The following MACF1 variants were observed in gnomAD, a reference collection of about 807,000 sequenced individuals.
The protein encoded by MACF1 is microtubule-actin cross-linking factor 1.
In MACF1, 193 loss-of-function variants were observed where a neutral mutation model predicts 854.8. The observed-to-expected ratio is 0.23, with a 90% CI of 0.20 to 0.25. MACF1 has a LOEUF of 0.25. Among genes scored for constraint, MACF1 ranks in the 10% least tolerant of loss-of-function variants. The pLI, the probability that MACF1 is intolerant of heterozygous loss-of-function variation, is 1.00. For missense variants in MACF1, 7,722 were observed against 8,929.1 expected (o/e 0.86, Z 5.45); for synonymous variants, 3,185 against 3,226.7 (o/e 0.99, Z 0.44).
In MACF1 at chr1:39,381,169, T is replaced by C. The variant is rs565235280; in HGVS notation, c.13649-784T>C. ...GCCTCCCAGGTTCAAGCGATTCTCCTGCCTCAGCCTCCCGAGTAGCTGGCA... is the reference window on the plus strand; with the variant it reads ...GCCTCCCAGGTTCAAGCGATTCTCCCGCCTCAGCCTCCCGAGTAGCTGGCA... On this transcript the variant is annotated intron_variant, in intron 55 of 100. Coordinates refer to ENST00000564288, the MANE Select transcript of MACF1 (RefSeq NM_001394062.1). Among the ~76,000 whole-genome samples the C allele has an allele frequency of 1.4e-3, 216 of 152,188 alleles. 2 individuals carry two copies. The highest frequency in any genetic ancestry group is 5.0e-3 in the African/African-American group (208 of 41,534).
chr1:39,349,441 TA>T, intron 41 of MACF1, 36 bp from the exon 42 acceptor site: 1 of 1,564,882 alleles, frequency 6.4e-7, no homozygotes, highest in Non-Finnish European at 8.7e-7. Context: ...AAATGTGAAT[TA>T]CGAAATGTCT....
intron 58 of MACF1, among the ~76,000 whole-genome samples, chr1:39,417,713 A>ATTTTTTTTTTTTTTTTTTTTTTTTTTTTT (rs56799242): frequency 1.8e-5 from 1 of 55,796 alleles, no homozygotes; most frequent in Non-Finnish European, 3.8e-5. Flanking sequence ...CACCCAGTTA[A>ATTTTTTTTTTTTTTTTTTTTTTTTTTTTT]TTTTTTTTTT....
At chr1:39,208,931 A>T (rs1286758750) in intron 1 of MACF1, among the ~76,000 whole-genome samples, 2 of 152,004 alleles carry the variant, frequency 1.3e-5, no homozygotes, top group Non-Finnish European at 2.9e-5. Flanking sequence ...TCATCTCAGT[A>T]TCTGCAGTGT....
At chr1:39,193,216 T>C (rs1347497036) in intron 2 of MACF1, among the ~76,000 whole-genome samples, 1 of 152,256 alleles carries the variant, frequency 6.6e-6, no homozygotes, top group East Asian at 1.9e-4. Flanking sequence ...GTATCATTTT[T>C]TTCTCCATTT....
chr1:39,316,262 C>A, intron 27 of MACF1, 129 bp from the exon 28 acceptor site: 4 of 698,846 alleles, frequency 5.7e-6, no homozygotes, highest in Non-Finnish European at 6.6e-6. Context: ...AAAACCCTGT[C>A]AACATCTAAA....
In MACF1 at chr1:39,284,142, T is replaced by A; in HGVS notation, c.992T>A (p.Leu331Gln). The change falls in exon 10 of 101, where the codon CTG (leucine) becomes CAG (glutamine). Residue 331 changes from leucine (L) to glutamine (Q), a missense_variant. Physicochemically the swap from Leu to Gln is moderately radical, Grantham distance 113. Transcript: ENST00000564288. ...LIPWIKQHTI[L>Q]MSDKTFPQNP... ...CCCTGGATCAAACAGCATACAATAC[T>A]GATGTCAGATAAAACTTTTCCCCAA... The A allele has an allele frequency of 3.1e-6, 5 of 1,613,890 alleles. No individual in the cohort carries two copies. The highest frequency in any genetic ancestry group is 4.2e-6 in the Non-Finnish European group (5 of 1,179,906).
chr1:39,412,404 A>T, intron 58 of MACF1: 1 of 1,614,004 alleles, frequency 6.2e-7, no homozygotes, highest in South Asian at 1.1e-5. Context: ...CTGTGGAGAA[A>T]GTTTGTGATG....
upstream of MACF1, among the ~76,000 whole-genome samples, chr1:39,201,955 C>CTTT (rs748333630): frequency 7.6e-5 from 4 of 52,358 alleles, no homozygotes; most frequent in East Asian, 7.4e-4. Context: ...TGCTCATATT[C>CTTT]TTTTTTTTTT....
intron 80 of MACF1, among the ~76,000 whole-genome samples, chr1:39,446,601 G>C (rs970322896): frequency 3.9e-5 from 6 of 152,090 alleles, no homozygotes; most frequent in African/African-American, 1.4e-4. Context: ...AACGTTTTTG[G>C]TGTACATCTT....
chr1:39,116,352 GAGTC>G (rs1486872932), intron 2 of MACF1, among the ~76,000 whole-genome samples: 2 of 152,044 alleles, frequency 1.3e-5, no homozygotes, highest in African/African-American at 4.8e-5. Context: ...TATTTGCTGA[GAGTC>G]AGGAGGAAGG....
rs1256357095 is a variant in MACF1, at chr1:39,284,423, C to T, written c.1126C>T (p.Leu376=). 1.9e-6 allele frequency: 3 copies of T among 1,586,334 alleles called. No individual in the cohort carries two copies. The highest frequency in any genetic ancestry group is 2.2e-5 in the East Asian group (1 of 44,786). The change falls in exon 11 of 101, where the codon CTA becomes TTA. Residue 376 remains leucine (L), a synonymous_variant. Coordinates refer to ENST00000564288, the MANE Select transcript of MACF1 (RefSeq NM_001394062.1). ...AAGAATTGAGGAATTATATAAATTA[C>T]TAGAGGTAAGTGAGCTTATCCTTTG... ...KGRIEELYKL[L]EVWIEFGRIK...
chr1:39,473,094 C>T (rs897989273), intron 97 of MACF1, among the ~76,000 whole-genome samples: 34 of 152,212 alleles, frequency 2.2e-4, no homozygotes, highest in South Asian at 2.1e-4. Flanking sequence ...AAAACAGAGA[C>T]TGTCTCATTA....
chr1:39,291,925 G>C lies in MACF1; in HGVS notation c.1801G>C (p.Ala601Pro). ...TCTTTTTCAGATGAAACTGGAGCGA[G>C]CAGAGTGGGGCAATGACCTGCCTAG... is the stretch of plus-strand genomic sequence containing the variant. ...VEEMQMKLER[A>P]EWGNDLPSVE... Residue 601 changes from alanine to proline, a missense_variant, in exon 16 of 101, where the codon GCA becomes CCA. Physicochemically the swap from Ala to Pro is conservative, Grantham distance 27 (BLOSUM62 -1). Around this residue, in one of 15 missense-constraint regions of MACF1, gnomAD observed 1,137 missense variants for 1,263.0 expected, o/e 0.90. Transcript: ENST00000564288. The C allele has an allele frequency of 6.2e-7, 1 of 1,613,702 alleles. No homozygotes were observed. The highest frequency in any genetic ancestry group is 8.5e-7 in the Non-Finnish European group (1 of 1,179,910).
At chr1:39,268,786 G>A (rs906957683) in intron 6 of MACF1, 55 of 1,289,752 alleles carry the variant, frequency 4.3e-5, no homozygotes, top group East Asian at 1.1e-4. Context: ...AAAAGGGTTC[G>A]GTTCAAAAGG....
At chr1:39,330,770 T>C (rs1646707890) in intron 36 of MACF1, among the ~76,000 whole-genome samples, 1 of 152,112 alleles carries the variant, frequency 6.6e-6, no homozygotes, top group Non-Finnish European at 1.5e-5. Context: ...TGCTGGGTTT[T>C]CCTTGTGGTC....
At chr1:39,344,991 C>A (rs1169015835) in intron 40 of MACF1, among the ~76,000 whole-genome samples, 2 of 152,094 alleles carry the variant, frequency 1.3e-5, no homozygotes, top group African/African-American at 4.8e-5. Flanking sequence ...TGGAGGTGGG[C>A]AGGGCCTCTC....
rs1345684227 is a variant in MACF1 at position 39,360,030 on chromosome 1, TATATATATATATATATATATATAC to T, written c.12245-761_12245-738del. 1.5e-3 allele frequency among the ~76,000 whole-genome samples: 81 copies of T among 55,468 alleles called. 3 individuals carry two copies. Among genetic ancestry groups the T allele is most frequent in the Middle Eastern group, 8.8e-3 (1 of 114 alleles). The allele number at this position is 55,468 out of a possible 152,430, so 36.4% of individuals were successfully genotyped here. A position where few individuals can be genotyped will look rare whatever the true frequency, so the allele number is the denominator to read the frequency against. Reference sequence around the variant, plus strand: ...AAAAAAAAATATATATATATATATATATATATATATATATATATATATACACACACACACACACACATATGTATA... The same window carrying T: ...AAAAAAAAATATATATATATATATATACACACACACACACACATATGTATA... On this transcript the variant is annotated intron_variant, in intron 47 of 100. Transcript: ENST00000564288.
intron 15 of MACF1, among the ~76,000 whole-genome samples, chr1:39,288,434 C>T (rs182268943): frequency 9.4e-5 from 14 of 149,532 alleles, no homozygotes; most frequent in Admixed American, 2.0e-4. Context: ...GGAAGTGAAG[C>T]TTGCAGTGAG....
intron 2 of MACF1, among the ~76,000 whole-genome samples, chr1:39,232,063 CAG>C (rs1557531761): frequency 6.7e-6 from 1 of 148,922 alleles, no homozygotes; most frequent in Non-Finnish European, 1.5e-5. Flanking sequence ...GAAACCATAA[CAG>C]AGGCATGTTA....
Sources: gnomAD v4.1 joint callset for allele counts (sites outside exome capture counted in the v4.1 genomes callset) on GRCh38, gnomAD v4.1.1 for gene constraint, gnomAD v4.1.1 regional missense constraint, MANE v1.5 for transcripts, NCBI Gene and HGNC (gene_info 2026-07-23, HGNC 2026-07-21) for gene names.